RBM39: variants seen among roughly 807,000 people sequenced by gnomAD.
RBM39 encodes the protein RNA binding motif protein 39.
RBM39 carries 12 observed loss-of-function variants against 79.6 expected under a neutral mutation model. That is an observed-to-expected ratio of 0.15 (90% CI 0.10 to 0.24). RBM39 has a LOEUF of 0.24. Ranked by LOEUF, RBM39 falls within the 10% of genes least tolerant of loss-of-function variation. RBM39 has a pLI of 1.00. For synonymous variants in RBM39, 185 were observed against 208.4 expected, an observed-to-expected ratio of 0.89 and a Z score of 0.97; for missense variants, 243 against 653.4, an observed-to-expected ratio of 0.37 and a Z score of 6.85.
At chr20:35,724,459 A>G in intron 8 of RBM39, 111 bp downstream of exon 8, 1 of 1,044,150 alleles carries the variant, frequency 9.6e-7, no homozygotes, top group South Asian at 2.9e-5. Flanking sequence ...TCCTGAAAAC[A>G]TCCGACTCAA....
rs1324649584 is a variant in RBM39, at chr20:35,725,032, G to T, written c.534+6C>A. On this transcript the variant is annotated splice_donor_region_variant and intron_variant, in intron 7 of 16. Transcript: ENST00000253363. Reference sequence around the variant, plus strand: ...TACTTGACCTCCCTAAACAGGTTAAGATTACCTTTCCTACTGTAGAGAAAA... The same window carrying T: ...TACTTGACCTCCCTAAACAGGTTAATATTACCTTTCCTACTGTAGAGAAAA... 16 of 1,594,992 alleles carry T rather than the reference G, an allele frequency of 1.0e-5. No individual in the cohort carries two copies. Among genetic ancestry groups the T allele is most frequent in the Non-Finnish European group, 1.4e-5 (16 of 1,166,948 alleles).
intron 3 of RBM39, among the ~76,000 whole-genome samples, chr20:35,735,341 T>C (rs1037586334): frequency 2.6e-5 from 4 of 152,204 alleles, no homozygotes; most frequent in Admixed American, 6.5e-5. Flanking sequence ...TTACAGCTCT[T>C]CAGAAAATAG....
chr20:35,709,001 C>CAAA, intron 13 of RBM39: 1 of 362,922 alleles, frequency 2.8e-6, no homozygotes, highest in Non-Finnish European at 4.9e-6. Flanking sequence ...CAAACTAAAG[C>CAAA]AAAAAAAAAA....
At chr20:35,736,901 T>C (rs949241504) in intron 3 of RBM39, among the ~76,000 whole-genome samples, 2 of 150,116 alleles carry the variant, frequency 1.3e-5, no homozygotes, top group African/African-American at 4.9e-5. Context: ...TCCACCCGCC[T>C]GAGCCTCCCA....
chr20:35,722,626 C>G (rs1336671907), intron 8 of RBM39, among the ~76,000 whole-genome samples: 1 of 151,602 alleles, frequency 6.6e-6, no homozygotes, highest in African/African-American at 2.4e-5. Flanking sequence ...AGAGCACATG[C>G]CAGTCACATA....
At chr20:35,736,591 G>A (rs911111233) in intron 3 of RBM39, 1 of 469,956 alleles carries the variant, frequency 2.1e-6, no homozygotes, top group African/African-American at 2.0e-5. Flanking sequence ...GAGCCAAAAA[G>A]AAATCAAATA....
At chr20:35,736,245 C>T (rs1371742360) in intron 3 of RBM39, among the ~76,000 whole-genome samples, 1 of 152,092 alleles carries the variant, frequency 6.6e-6, no homozygotes, top group East Asian at 1.9e-4. Flanking sequence ...ATGACATAAA[C>T]CATACCTCTG....
At chr20:35,712,992 TA>T (rs769949944) in intron 12 of RBM39, 26 bp downstream of exon 12, 3 of 1,578,348 alleles carry the variant, frequency 1.9e-6, no homozygotes, top group Non-Finnish European at 2.6e-6. Context: ...AAAAACGATT[TA>T]AAATTAGAAA....
intron 3 of RBM39, chr20:35,734,999 G>A (rs749967680): frequency 1.2e-6 from 2 of 1,610,692 alleles, no homozygotes; most frequent in Non-Finnish European, 8.5e-7. Flanking sequence ...TTGGTTATAT[G>A]GCCTCTGCAG....
intron 3 of RBM39, chr20:35,734,297 A>C (rs1384759757): frequency 7.9e-6 from 9 of 1,140,354 alleles, no homozygotes; most frequent in Non-Finnish European, 1.1e-5. Context: ...TCAGAAATGT[A>C]TATGCTAGGT....
intron 2 of RBM39, 156 bp downstream of exon 2, chr20:35,740,668 A>G: frequency 7.7e-7 from 1 of 1,293,154 alleles, no homozygotes; most frequent in Non-Finnish European, 1.1e-6. Context: ...TTATTACATC[A>G]ATAGCATATA....
At chr20:35,715,124 T>C (rs1303315955) in intron 10 of RBM39, among the ~76,000 whole-genome samples, 3 of 152,178 alleles carry the variant, frequency 2.0e-5, no homozygotes, top group African/African-American at 4.8e-5. Context: ...AATTTCCTGA[T>C]AGAGATATAC....
intron 6 of RBM39, among the ~76,000 whole-genome samples, chr20:35,729,011 G>A (rs1381903973): frequency 6.6e-6 from 1 of 152,072 alleles, no homozygotes; most frequent in Non-Finnish European, 1.5e-5. Flanking sequence ...AGGAGGCGGA[G>A]GTTGCAGTAA....
intron 3 of RBM39, among the ~76,000 whole-genome samples, chr20:35,733,051 C>T (rs372932822): frequency 1.3e-5 from 2 of 151,932 alleles, no homozygotes; most frequent in Admixed American, 6.6e-5. Flanking sequence ...GCCTGTAATC[C>T]CAACCCTTTG....
At chr20:35,733,949 A>G (rs1237343893) in intron 3 of RBM39, among the ~76,000 whole-genome samples, 2 of 152,252 alleles carry the variant, frequency 1.3e-5, no homozygotes, top group Non-Finnish European at 2.9e-5. Flanking sequence ...GTGCCTTCAG[A>G]TATTTCAATA....
intron 3 of RBM39, chr20:35,734,252 G>C (rs1022461519): frequency 1.5e-5 from 19 of 1,302,988 alleles, no homozygotes; most frequent in Non-Finnish European, 1.8e-5. Context: ...GAGGCAGAAA[G>C]TTTGTCTAAA....
At position 35,742,003 on chromosome 20, in the gene RBM39, TGCTGCTGCC is replaced by T. The variant is rs945965554; in HGVS notation, c.-85_-77del. The T allele has an allele frequency of 6.6e-5, 17 of 256,878 alleles. No homozygotes were observed. Among genetic ancestry groups the T allele is most frequent in the East Asian group, 3.1e-4 (2 of 6,468 alleles). The allele number at this position is 256,878 out of a possible 1,614,324, so 15.9% of individuals were successfully genotyped here. ...GGGAAGAGATTGCTGCTGCTGCTGC[TGCTGCTGCC>T]GCCGCCGCCGCTTCTGTTGCTACTG... On this transcript the variant is annotated 5_prime_UTR_variant, in exon 1 of 17. Coordinates refer to ENST00000253363, the MANE Select transcript of RBM39 (RefSeq NM_184234.3).
chr20:35,733,821 A>G (rs576339586), intron 3 of RBM39, among the ~76,000 whole-genome samples: 4 of 152,272 alleles, frequency 2.6e-5, no homozygotes, highest in Admixed American at 2.6e-4. Flanking sequence ...ATCTCTAACT[A>G]AAAACCAAAA....
Position 35,703,310 on chromosome 20 carries a change from G to C in RBM39, c.*1171C>G, listed in dbSNP as rs2035379303. On this transcript the variant is annotated 3_prime_UTR_variant, in exon 17 of 17. Transcript: ENST00000253363. ...ATTTTGTTAAGTATGTATTGTAAAT[G>C]GTGAAAATTTCTTCATAAATATGCC... 1 of 152,090 alleles carries C rather than the reference G, an allele frequency of 6.6e-6. No individual in the cohort carries two copies. Among genetic ancestry groups the C allele is most frequent in the South Asian group, 2.1e-4 (1 of 4,830 alleles). 9.4% of individuals were successfully genotyped at this position (152,090 alleles called of 1,614,324 possible). A position where few individuals can be genotyped will look rare whatever the true frequency, so the allele number is the denominator to read the frequency against.
Sources: allele counts gnomAD v4.1 joint callset (sites outside exome capture counted in the v4.1 genomes callset), GRCh38; gene constraint gnomAD v4.1.1; transcripts MANE v1.5; gene names NCBI Gene and HGNC (gene_info 2026-07-23, HGNC 2026-07-21).